Variants in FOXJ3 observed in about 807,000 individuals in gnomAD.
FOXJ3 encodes the protein forkhead box J3.
Under a neutral mutation model 76.1 loss-of-function variants are expected in FOXJ3, and 22 were observed. That is an observed-to-expected ratio of 0.29 (90% CI 0.21 to 0.41). The LOEUF (loss-of-function observed/expected upper bound fraction) is 0.41, where lower values mean the gene tolerates loss of function less well. Among genes scored for constraint, FOXJ3 ranks in the 10% least tolerant of loss-of-function variants. The pLI is 1.00. For missense variants in FOXJ3, 613 were observed against 762.1 expected (o/e 0.80, Z 2.30); for synonymous variants, 269 against 261.2 (o/e 1.03, Z -0.29).
chr1:42,187,990 T>C (rs1034912865), intron 11 of FOXJ3, among the ~76,000 whole-genome samples: 1 of 152,122 alleles, frequency 6.6e-6, no homozygotes, highest in Admixed American at 6.5e-5. Context: ...ACTCAAACCA[T>C]GGGTGAACGA....
At chr1:42,206,731 C>T (rs1336628847) in intron 5 of FOXJ3, among the ~76,000 whole-genome samples, 1 of 152,010 alleles carries the variant, frequency 6.6e-6, no homozygotes, top group Non-Finnish European at 1.5e-5. Context: ...TAGGAATATT[C>T]AAATTATTCT....
intron 4 of FOXJ3, among the ~76,000 whole-genome samples, chr1:42,230,808 T>C (rs911228314): frequency 6.6e-6 from 1 of 151,962 alleles, no homozygotes. Flanking sequence ...CCTAAAAAAA[T>C]TAAACAGAAT....
chr1:42,226,662 T>G (rs1647599625), intron 5 of FOXJ3, among the ~76,000 whole-genome samples: 1 of 152,194 alleles, frequency 6.6e-6, no homozygotes, highest in Non-Finnish European at 1.5e-5. Flanking sequence ...TCACCAATAC[T>G]AAACTTTAAC....
chr1:42,243,529 A>T (rs1444585692), intron 4 of FOXJ3, among the ~76,000 whole-genome samples: 1 of 152,218 alleles, frequency 6.6e-6, no homozygotes, highest in African/African-American at 2.4e-5. Context: ...GCCTACAAGA[A>T]ACTTGCTTCA....
At position 42,182,934 on chromosome 1, in the gene FOXJ3, A is replaced by C. The variant is rs548886932; in HGVS notation, c.1646-910T>G. Among the ~76,000 whole-genome samples the C allele has an allele frequency of 2.0e-5, 3 of 152,172 alleles. No homozygotes were observed. The South Asian group carries it at 6.2e-4, about 32-fold the overall frequency. ...ACCTGGGAAGCACAAAGTAACAATAAAGATCTGCACATGGTAAAAGAGCTA... is the reference window on the plus strand; with the variant it reads ...ACCTGGGAAGCACAAAGTAACAATACAGATCTGCACATGGTAAAAGAGCTA... On this transcript the variant is annotated intron_variant, in intron 11 of 12. Coordinates refer to ENST00000361346, the MANE Select transcript of FOXJ3 (RefSeq NM_014947.5).
At chr1:42,227,634 G>A (rs1647678249) in intron 5 of FOXJ3, among the ~76,000 whole-genome samples, 1 of 152,160 alleles carries the variant, frequency 6.6e-6, no homozygotes, top group Admixed American at 6.5e-5. Flanking sequence ...CAAGAGAGCT[G>A]GATTCAAGTC....
intron 2 of FOXJ3, among the ~76,000 whole-genome samples, chr1:42,299,900 T>C (rs771213658): frequency 6.6e-6 from 1 of 151,730 alleles, no homozygotes; most frequent in East Asian, 1.9e-4. Flanking sequence ...ACAGCAAGAC[T>C]CCATCTTAAA....
Position 42,267,804 on chromosome 1 carries a change from TA to T in FOXJ3, c.370-2616del, listed in dbSNP as rs967442847. On this transcript the variant is annotated intron_variant, in intron 3 of 12. Coordinates refer to ENST00000361346, the MANE Select transcript of FOXJ3 (RefSeq NM_014947.5). ...AAGAGACAAATATAAACGATAGAAA[TA>T]AAAAACATTAAACATGATTAAAGAT... Among the ~76,000 whole-genome samples, 3 of 152,036 alleles carry T rather than the reference TA, an allele frequency of 2.0e-5. No homozygotes were observed. In the East Asian group the frequency reaches 5.8e-4, roughly 29 times the overall value.
chr1:42,300,006 G>A (rs1210796698), intron 2 of FOXJ3, among the ~76,000 whole-genome samples: 2 of 151,936 alleles, frequency 1.3e-5, no homozygotes, highest in Non-Finnish European at 1.5e-5. Context: ...TTTGAGACCT[G>A]CCTGGCCAAT....
Position 42,195,113 on chromosome 1 carries a change from A to G in FOXJ3, c.760-49T>C, listed in dbSNP as rs112344612. On this transcript the variant is annotated intron_variant, in intron 7 of 12. Transcript: ENST00000361346. ...TAATTCAGCCTCTCTACTAATTACA[A>G]TTGGCTTGTTATATAAAATATATAA... 1,868 of 1,369,090 alleles carry G rather than the reference A, an allele frequency of 1.4e-3. 5 individuals are homozygous for G. Among genetic ancestry groups the G allele is most frequent in the Non-Finnish European group, 1.8e-3 (1,782 of 996,978 alleles). The allele number at this position is 1,369,090 out of a possible 1,614,324, so 84.8% of individuals were successfully genotyped here. A position where few individuals can be genotyped will look rare whatever the true frequency, so the allele number is the denominator to read the frequency against.
At chr1:42,293,820 ATG>A (rs1211154629) in intron 2 of FOXJ3, among the ~76,000 whole-genome samples, 3 of 152,102 alleles carry the variant, frequency 2.0e-5, no homozygotes, top group Non-Finnish European at 4.4e-5. Context: ...CTCCATATAT[ATG>A]TGAGACTGGC....
intron 5 of FOXJ3, among the ~76,000 whole-genome samples, chr1:42,218,595 G>A (rs936213666): frequency 2.6e-5 from 4 of 152,148 alleles, no homozygotes; most frequent in Non-Finnish European, 4.4e-5. Flanking sequence ...ACTATCCACA[G>A]CAATTTCCTC....
chr1:42,178,605 T>A lies in FOXJ3; in HGVS notation c.*1105A>T, dbSNP rs1349288615. On this transcript the variant is annotated 3_prime_UTR_variant, in exon 13 of 13. Transcript: ENST00000361346. ...TTTGCAACCAGCCCAGGCAACATGG[T>A]GAAACCCCATCTCTACTAAAATACA... The A allele has an allele frequency of 6.6e-6, 1 of 152,170 alleles. No individual in the cohort carries two copies. Among genetic ancestry groups the A allele is most frequent in the Non-Finnish European group, 1.5e-5 (1 of 68,050 alleles). 9.4% of individuals were successfully genotyped at this position (152,170 alleles called of 1,614,324 possible). A position where few individuals can be genotyped will look rare whatever the true frequency, so the allele number is the denominator to read the frequency against.
intron 3 of FOXJ3, among the ~76,000 whole-genome samples, chr1:42,272,705 A>G (rs998413649): frequency 3.3e-5 from 5 of 152,228 alleles, no homozygotes; most frequent in Admixed American, 6.5e-5. Context: ...GGCAAGGAGT[A>G]TCAGCAGAAT....
At chr1:42,180,107 G>A (rs1299077156) in intron 12 of FOXJ3, among the ~76,000 whole-genome samples, 1 of 152,164 alleles carries the variant, frequency 6.6e-6, no homozygotes, top group African/African-American at 2.4e-5. Flanking sequence ...CCAGGCTGCA[G>A]TAAGGAAGAC....
chr1:42,199,256 A>G (rs752599598), intron 6 of FOXJ3, 26 bp from the exon 7 acceptor site: 11 of 1,596,610 alleles, frequency 6.9e-6, no homozygotes, highest in East Asian at 2.2e-5. Flanking sequence ...AAAAATGACA[A>G]TTGAATATAA....
At chr1:42,266,155 T>C (rs1651450939) in intron 3 of FOXJ3, among the ~76,000 whole-genome samples, 1 of 152,114 alleles carries the variant, frequency 6.6e-6, no homozygotes, top group Non-Finnish European at 1.5e-5. Context: ...TAATATAAAA[T>C]TCAGTAGTCT....
chr1:42,324,453 T>A (rs770333996), intron 1 of FOXJ3, among the ~76,000 whole-genome samples: 1 of 150,388 alleles, frequency 6.6e-6, no homozygotes, highest in South Asian at 2.1e-4. Flanking sequence ...TGTAGTAATA[T>A]TAAAATTCTC....
chr1:42,237,499 TTC>T (rs1448763279), intron 4 of FOXJ3, among the ~76,000 whole-genome samples: 1 of 148,576 alleles, frequency 6.7e-6, no homozygotes, highest in African/African-American at 2.5e-5. Flanking sequence ...TATGGGCTAT[TTC>T]TGTTATTAGA....
Sources: allele counts gnomAD v4.1 joint callset (sites outside exome capture counted in the v4.1 genomes callset), GRCh38; gene constraint gnomAD v4.1.1; transcripts MANE v1.5; gene names NCBI Gene and HGNC (gene_info 2026-07-23, HGNC 2026-07-21).